The following RPL18A variants were observed in gnomAD, a reference collection of about 807,000 sequenced individuals.
RPL18A encodes large ribosomal subunit protein eL20.
For missense variants in RPL18A, 163 were observed against 254.1 expected, an observed-to-expected ratio of 0.64 and a Z score of 2.44; for synonymous variants, 122 against 96.9, an observed-to-expected ratio of 1.26 and a Z score of -1.52.
chr19:17,861,218 T>C (rs11880203), intron 1 of RPL18A, 75 bp from the exon 2 acceptor site: 2 of 1,385,320 alleles, frequency 1.4e-6, no homozygotes, highest in East Asian at 2.4e-5. Context: ...TCACTAGATG[T>C]AGGAAAGGGA....
chr19:17,862,402 G>T, intron 3 of RPL18A, 179 bp downstream of exon 3: 1 of 749,574 alleles, frequency 1.3e-6, no homozygotes. Flanking sequence ...TGCCAGGCTC[G>T]GTTGTAAATC....
chr19:17,860,064 C>CCCCCTTG, intron 1 of RPL18A, 90 bp downstream of exon 1: 1 of 1,236,406 alleles, frequency 8.1e-7, no homozygotes, highest in African/African-American at 1.6e-5. Flanking sequence ...GGGTTGGTGC[C>CCCCCTTG]GCGCGCTTCT....
intron 1 of RPL18A, chr19:17,860,640 G>A (rs1317384992): frequency 1.3e-5 from 2 of 152,564 alleles, no homozygotes; most frequent in African/African-American, 4.8e-5. Context: ...TTGATAACTA[G>A]TGAAAAGCTG....
rs1275529677 is a variant in RPL18A, at chr19:17,861,352, C to T, written c.78C>T (p.Pro26=). The part of the protein sequence containing the change: ...CLPTPKCHTP[P]LYRMRIFAPN... Reference sequence around the variant, plus strand: ...CCACCCCCAAATGCCACACGCCGCCCCTCTACCGCATGCGAATCTTTGCGC... The same window carrying T: ...CCACCCCCAAATGCCACACGCCGCCTCTCTACCGCATGCGAATCTTTGCGC... The change falls in exon 2 of 5, where the codon CCC becomes CCT. Residue 26 remains proline (P), a synonymous_variant. Coordinates refer to ENST00000222247, the MANE Select transcript of RPL18A (RefSeq NM_000980.4). The T allele has an allele frequency of 8.1e-6, 13 of 1,613,200 alleles. No homozygotes were observed. Among genetic ancestry groups the T allele is most frequent in the Admixed American group, 5.0e-5 (3 of 59,970 alleles).
Position 17,861,384 on chromosome 19 carries a change from A to G in RPL18A, c.110A>G (p.His37Arg), listed in dbSNP as rs780509004. 6 of 1,612,136 alleles carry G rather than the reference A, an allele frequency of 3.7e-6. No homozygotes were observed. Among genetic ancestry groups the G allele is most frequent in the Non-Finnish European group, 4.2e-6 (5 of 1,178,894 alleles). ...CGCATGCGAATCTTTGCGCCTAATC[A>G]TGTCGTCGCCAAGTCCCGCTTCTGG... Reference protein sequence around the residue: ...LYRMRIFAPNHVVAKSRFWYF... With the variant: ...LYRMRIFAPNRVVAKSRFWYF... Residue 37 changes from histidine (H) to arginine (R), a missense_variant, in exon 2 of 5, where the codon CAT (histidine) becomes CGT (arginine). His to Arg is a conservative substitution (Grantham distance 29). Transcript: ENST00000222247.
intron 1 of RPL18A, 147 bp from the exon 2 acceptor site, chr19:17,861,146 G>A (rs2094276563): frequency 6.1e-6 from 4 of 659,694 alleles, no homozygotes; most frequent in South Asian, 3.6e-5. Flanking sequence ...GTGACCTACA[G>A]TCACCAAGAA....
chr19:17,861,652 G>A (rs2094277550), intron 2 of RPL18A, 180 bp downstream of exon 2: 8 of 608,046 alleles, frequency 1.3e-5, no homozygotes, highest in Non-Finnish European at 2.3e-5. Flanking sequence ...CTGGAGCAGA[G>A]CTTATGTGCC....
intron 1 of RPL18A, among the ~76,000 whole-genome samples, chr19:17,860,529 A>G (rs948825496): frequency 6.6e-6 from 1 of 152,210 alleles, no homozygotes; most frequent in African/African-American, 2.4e-5. Context: ...CTTGCTGTCA[A>G]AGGGGCGGGC....
At chr19:17,860,594 A>G (rs1461073004) in intron 1 of RPL18A, among the ~76,000 whole-genome samples, 1 of 152,206 alleles carries the variant, frequency 6.6e-6, no homozygotes, top group Non-Finnish European at 1.5e-5. Context: ...GTTCACAGTA[A>G]AAGTAGGAAC....
In RPL18A at chr19:17,863,001, C is replaced by T. The variant is rs150231641; in HGVS notation, c.412C>T (p.Arg138Cys). 7.9e-5 allele frequency: 127 copies of T among 1,611,778 alleles called. No individual in the cohort carries two copies. Among genetic ancestry groups the T allele is most frequent in the Middle Eastern group, 3.8e-4 (2 of 5,284 alleles). The change falls in exon 4 of 5, where the codon CGC becomes TGC. Residue 138 changes from arginine (R) to cysteine (C), a missense_variant. By Grantham distance (180) the Arg-to-Cys change is radical. Coordinates refer to ENST00000222247, the MANE Select transcript of RPL18A (RefSeq NM_000980.4). ...KVEEIAASKC[R>C]RPAVKQFHDS... The stretch of plus-strand genomic sequence containing the variant: ...GGAGGAGATCGCGGCCAGCAAGTGC[C>T]GCCGGCCGGCTGTCAAGCAGTTCCA...
chr19:17,862,052 G>A (rs761854074), intron 2 of RPL18A, 42 bp from the exon 3 acceptor site: 23 of 1,604,812 alleles, frequency 1.4e-5, no homozygotes, highest in Non-Finnish European at 1.9e-5. Context: ...AGGGCACATC[G>A]GCTTGCTGCT....
intron 1 of RPL18A, chr19:17,860,348 T>G: frequency 3.7e-6 from 1 of 273,724 alleles, no homozygotes. Flanking sequence ...TCTGCCGGAA[T>G]GGCTGTGAGA....
rs1395950878 is a variant in RPL18A, at chr19:17,861,200, A to G, written c.19-93A>G. On this transcript the variant is annotated intron_variant, in intron 1 of 4. Coordinates refer to ENST00000222247, the MANE Select transcript of RPL18A (RefSeq NM_000980.4). ...GGTGGCCCTGCCTCCTGCTTCCCGA[A>G]TCTGTGGTCACTAGATGTAGGAAAG... 15 of 1,246,796 alleles carry G rather than the reference A, an allele frequency of 1.2e-5. No homozygotes were observed. In the Admixed American group the frequency reaches 2.8e-4, roughly 23 times the overall value. The allele number at this position is 1,246,796 out of a possible 1,614,324, so 77.2% of individuals were successfully genotyped here. A position where few individuals can be genotyped will look rare whatever the true frequency, so the allele number is the denominator to read the frequency against.
At chr19:17,860,209 C>T (rs2094274656) in intron 1 of RPL18A, 3 of 506,704 alleles carry the variant, frequency 5.9e-6, no homozygotes, top group Admixed American at 4.3e-5. Context: ...GACTCCGGGT[C>T]TTCTTCCCGG....
intron 3 of RPL18A, chr19:17,862,589 T>G: frequency 1.4e-6 from 1 of 700,180 alleles, no homozygotes; most frequent in Non-Finnish European, 2.7e-6. Context: ...ACCTCCCTGA[T>G]TGCACCTAAA....
chr19:17,862,997 G>A lies in RPL18A; in HGVS notation c.408G>A (p.Lys136=). 1.9e-6 allele frequency: 3 copies of A among 1,612,236 alleles called. No homozygotes were observed. Among genetic ancestry groups the A allele is most frequent in the Admixed American group, 3.3e-5 (2 of 60,004 alleles). The stretch of plus-strand genomic sequence containing the variant: ...AGGTGGAGGAGATCGCGGCCAGCAA[G>A]TGCCGCCGGCCGGCTGTCAAGCAGT... ...IMKVEEIAAS[K]CRRPAVKQFH... The change falls in exon 4 of 5, where the codon AAG becomes AAA. Residue 136 remains lysine, a synonymous_variant. Coordinates refer to ENST00000222247, the MANE Select transcript of RPL18A (RefSeq NM_000980.4).
In RPL18A at chr19:17,861,803, T is replaced by C. The variant is rs1217219850; in HGVS notation, c.199-291T>C. ...ATCTGGTCAGTGGGTGGTAGCTAGG[T>C]TGGCCCAGACAGGTTCCAGGAGACT... On this transcript the variant is annotated intron_variant, in intron 2 of 4. Coordinates refer to ENST00000222247, the MANE Select transcript of RPL18A (RefSeq NM_000980.4). 7.4e-6 allele frequency: 4 copies of C among 538,244 alleles called. No homozygotes were observed. In the East Asian group the frequency reaches 1.3e-4, roughly 17 times the overall value. The allele number at this position is 538,244 out of a possible 1,614,324, so 33.3% of individuals were successfully genotyped here.
chr19:17,860,567 C>T (rs2094275446), intron 1 of RPL18A, among the ~76,000 whole-genome samples: 1 of 152,152 alleles, frequency 6.6e-6, no homozygotes, highest in Non-Finnish European at 1.5e-5. Context: ...GAACGTGTGC[C>T]GAGGCCGGTG....
At chr19:17,862,070 C>CTA in intron 2 of RPL18A, 24 bp from the exon 3 acceptor site, 1 of 1,609,746 alleles carries the variant, frequency 6.2e-7, no homozygotes. Flanking sequence ...GCTCTCACAT[C>CTA]TCCCTGTGGC....
Sources: gnomAD v4.1 joint callset for allele counts (sites outside exome capture counted in the v4.1 genomes callset) on GRCh38, gnomAD v4.1.1 for gene constraint, MANE v1.5 for transcripts, NCBI Gene and HGNC (gene_info 2026-07-23, HGNC 2026-07-21) for gene names.